PISD: variants seen among roughly 807,000 people sequenced by gnomAD.
PISD encodes phosphatidylserine decarboxylase proenzyme, mitochondrial.
In PISD, 31 loss-of-function variants were observed where a neutral mutation model predicts 43.5. The ratio of observed to expected loss-of-function variants is 0.71; its 90% CI spans 0.54 to 0.96. The LOEUF (loss-of-function observed/expected upper bound fraction) is 0.96. PISD is among the 40% of genes least tolerant of loss of function. The pLI is 0.00. For synonymous variants in PISD, 259 were observed against 228.7 expected (o/e 1.13, Z -1.20); for missense variants, 523 against 548.4 (o/e 0.95, Z 0.46).
chr22:31,640,241 C>A (rs1278360416), intron 3 of PISD, among the ~76,000 whole-genome samples: 2 of 151,400 alleles, frequency 1.3e-5, no homozygotes, highest in African/African-American at 4.9e-5. Context: ...CTCTGTCACC[C>A]CGGCTGGAGT....
chr22:31,655,155 T>A (rs1326312764), intron 1 of PISD, among the ~76,000 whole-genome samples: 1 of 143,572 alleles, frequency 7.0e-6, no homozygotes, highest in African/African-American at 2.5e-5. Context: ...GCCCTGCCAA[T>A]CAGGAACACC....
At chr22:31,643,980 A>G (rs980455716) in intron 3 of PISD, among the ~76,000 whole-genome samples, 7 of 151,610 alleles carry the variant, frequency 4.6e-5, no homozygotes, top group African/African-American at 1.7e-4. Context: ...CCCAAGAGGC[A>G]GAGGTTGCAG....
intron 1 of PISD, among the ~76,000 whole-genome samples, chr22:31,654,653 G>A (rs1394349850): frequency 6.6e-6 from 1 of 152,208 alleles, no homozygotes; most frequent in Non-Finnish European, 1.5e-5. Context: ...GCAGCAAGGT[G>A]TGGCCATGAG....
chr22:31,637,125 AAAT>A (rs1257940032), intron 3 of PISD, among the ~76,000 whole-genome samples: 1 of 111,510 alleles, frequency 9.0e-6, no homozygotes, highest in African/African-American at 3.4e-5. Context: ...CTACAAAAAA[AAAT>A]AATAATAAAT....
At chr22:31,621,307 C>A in intron 5 of PISD, 27 bp downstream of exon 5, 1 of 1,613,276 alleles carries the variant, frequency 6.2e-7, no homozygotes, top group Non-Finnish European at 8.5e-7. Flanking sequence ...AGCAGGGCTG[C>A]CTAGCCCCGC....
At chr22:31,634,401 C>T (rs1400625628) in intron 3 of PISD, among the ~76,000 whole-genome samples, 1 of 152,252 alleles carries the variant, frequency 6.6e-6, no homozygotes, top group Non-Finnish European at 1.5e-5. Flanking sequence ...CAACTCCCCA[C>T]TCATCTTTGA....
chr22:31,627,982 G>A (rs1001334174), intron 3 of PISD: 1 of 972,984 alleles, frequency 1.0e-6, no homozygotes. Flanking sequence ...CATCCTGAGA[G>A]GCCAGGCTGG....
chr22:31,641,557 C>T (rs1258346234), intron 3 of PISD, among the ~76,000 whole-genome samples: 7 of 152,030 alleles, frequency 4.6e-5, no homozygotes, highest in Admixed American at 4.6e-4. Context: ...TGGCTCACAC[C>T]TGTAATCCCA....
chr22:31,633,737 A>AAACAAACG (rs957211464), intron 3 of PISD, among the ~76,000 whole-genome samples: 7 of 151,976 alleles, frequency 4.6e-5, no homozygotes, highest in Non-Finnish European at 1.0e-4. Flanking sequence ...ACAAACAAAC[A>AAACAAACG]AACAAACGAA....
At position 31,630,948 on chromosome 22, in the gene PISD, A is replaced by G. The variant is rs564117788; in HGVS notation, c.322-9063T>C. 2.5e-6 allele frequency: 2 copies of G among 786,844 alleles called. No individual in the cohort carries two copies. The highest frequency in any genetic ancestry group is 3.1e-6 in the Non-Finnish European group (2 of 648,510). The allele number at this position is 786,844 out of a possible 1,614,324, so 48.7% of individuals were successfully genotyped here. Reference sequence around the variant, plus strand: ...AGGAGGCCGACCCCAGCCACCCTTAAAGCTGCCGCCCCCTCTGAGCCCCAG... The same window carrying G: ...AGGAGGCCGACCCCAGCCACCCTTAGAGCTGCCGCCCCCTCTGAGCCCCAG... On this transcript the variant is annotated intron_variant, in intron 3 of 7. Transcript: ENST00000439502. The surrounding 1 kb of genome is among the most constrained non-coding windows in gnomAD (Gnocchi z 4.4).
intron 3 of PISD, among the ~76,000 whole-genome samples, chr22:31,634,748 G>A (rs187336371): frequency 1.5e-5 from 2 of 136,158 alleles, no homozygotes; most frequent in East Asian, 4.5e-4. Context: ...TGAGGTGGGA[G>A]AATCGCTTGA....
chr22:31,628,202 C>T, intron 3 of PISD: 3 of 985,452 alleles, frequency 3.0e-6, no homozygotes, highest in Non-Finnish European at 3.6e-6. Context: ...CCGTCTGTCC[C>T]TCTCAGAGCT....
At chr22:31,657,142 GTT>G (rs1341074410) in intron 1 of PISD, among the ~76,000 whole-genome samples, 1 of 152,012 alleles carries the variant, frequency 6.6e-6, no homozygotes, top group African/African-American at 2.4e-5. Flanking sequence ...TTAGTGTTTT[GTT>G]TTGTTTTTTT....
chr22:31,630,056 T>G lies in PISD; in HGVS notation c.322-8171A>C, dbSNP rs1819760376. ...GAGGCCTGGCCACCATGCAGCGGCG[T>G]GCGTCTAGTGGGGCGACAACCCTGC... is the stretch of plus-strand genomic sequence containing the variant. On this transcript the variant is annotated intron_variant, in intron 3 of 7. Coordinates refer to ENST00000439502, the MANE Select transcript of PISD (RefSeq NM_001326411.2). The surrounding 1 kb of genome is among the most constrained non-coding windows in gnomAD (Gnocchi z 4.4). 1 of 152,064 alleles carries G rather than the reference T, an allele frequency of 6.6e-6. No individual in the cohort carries two copies. Among genetic ancestry groups the G allele is most frequent in the South Asian group, 2.1e-4 (1 of 4,840 alleles). 9.4% of individuals were successfully genotyped at this position (152,064 alleles called of 1,614,324 possible). A position where few individuals can be genotyped will look rare whatever the true frequency, so the allele number is the denominator to read the frequency against.
At chr22:31,645,998 A>C (rs1291752865) in intron 3 of PISD, among the ~76,000 whole-genome samples, 1 of 152,060 alleles carries the variant, frequency 6.6e-6, no homozygotes, top group Non-Finnish European at 1.5e-5. Context: ...AATCCAAAAC[A>C]CTTCCAGTCC....
chr22:31,640,546 A>G (rs1435798924), intron 3 of PISD, among the ~76,000 whole-genome samples: 1 of 150,316 alleles, frequency 6.7e-6, no homozygotes, highest in Non-Finnish European at 1.5e-5. Flanking sequence ...AACTTAAAAT[A>G]AAAACATCCT....
At chr22:31,661,998 C>T in intron 1 of PISD, 146 bp downstream of exon 1, 2 of 717,558 alleles carry the variant, frequency 2.8e-6, no homozygotes, top group East Asian at 2.5e-5. Flanking sequence ...GCAGTCGCAC[C>T]TGCTCCTAAG....
intron 3 of PISD, chr22:31,638,302 G>C: frequency 1.1e-6 from 1 of 887,398 alleles, no homozygotes; most frequent in Non-Finnish European, 1.4e-6. Context: ...GCAGCCCCAC[G>C]TCCCTTCTGG....
intron 4 of PISD, 25 bp downstream of exon 4, chr22:31,621,624 G>T: frequency 6.2e-7 from 1 of 1,603,606 alleles, no homozygotes; most frequent in Non-Finnish European, 8.5e-7. Context: ...CCTGTTTCCT[G>T]CAGGAGGAAA....
Sources: gnomAD v4.1 joint callset for allele counts (sites outside exome capture counted in the v4.1 genomes callset) on GRCh38, gnomAD v4.1.1 for gene constraint, Gnocchi (gnomAD v3.1) non-coding constraint, MANE v1.5 for transcripts, NCBI Gene and HGNC (gene_info 2026-07-23, HGNC 2026-07-21) for gene names.